The following PHGDH variants were observed in gnomAD, a reference collection of about 807,000 sequenced individuals.
PHGDH encodes phosphoglycerate dehydrogenase.
In PHGDH, 50 loss-of-function variants were observed where a neutral mutation model predicts 52.6. The ratio of observed to expected loss-of-function variants is 0.95; its 90% CI spans 0.76 to 1.20. PHGDH has a LOEUF of 1.20. Among genes scored for constraint, PHGDH ranks in the 50% most tolerant of loss-of-function variants. PHGDH has a pLI of 0.00. For synonymous variants in PHGDH, 271 were observed against 280.5 expected (o/e 0.97, Z 0.34); for missense variants, 630 against 684.6 (o/e 0.92, Z 0.89).
At chr1:119,734,444 A>C in intron 5 of PHGDH, 190 bp from the exon 6 acceptor site, 2 of 649,514 alleles carry the variant, frequency 3.1e-6, no homozygotes, top group Non-Finnish European at 5.6e-6. Context: ...CATGGTACTT[A>C]GTATATGGTA....
At position 119,721,159 on chromosome 1, in the gene PHGDH, T is replaced by C. The variant is rs764782438; in HGVS notation, c.139-11T>C. 4 of 1,614,044 alleles carry C rather than the reference T, an allele frequency of 2.5e-6. No homozygotes were observed. Among genetic ancestry groups the C allele is most frequent in the South Asian group, 2.2e-5 (2 of 91,082 alleles). On this transcript the variant is annotated splice_polypyrimidine_tract_variant and intron_variant, in intron 1 of 11. Coordinates refer to ENST00000641023, the MANE Select transcript of PHGDH (RefSeq NM_006623.4). ...ATGACTTTCTGGACCCAAATGTTTT[T>C]TCTGCTTCAGGACTGTGAAGGCCTT...
chr1:119,742,244 C>T, intron 10 of PHGDH: 1 of 390,646 alleles, frequency 2.6e-6, no homozygotes, highest in South Asian at 2.3e-5. Context: ...GCTCCTCATG[C>T]CGTAGCACCC....
At position 119,720,488 on chromosome 1, in the gene PHGDH, C is replaced by T; in HGVS notation, c.139-682C>T. On this transcript the variant is annotated intron_variant, in intron 1 of 11. Transcript: ENST00000641023. ...GCTTACAAAGTAGAATTTGATCCCACCTCTGCCCTCAGTAGCTCAGTGTCT... is the reference window on the plus strand; with the variant it reads ...GCTTACAAAGTAGAATTTGATCCCATCTCTGCCCTCAGTAGCTCAGTGTCT... 2 of 153,512 alleles carry T rather than the reference C, an allele frequency of 1.3e-5. 1 individual carries two copies. The highest frequency in any genetic ancestry group is 6.3e-3 in the Middle Eastern group (2 of 316). The allele number at this position is 153,512 out of a possible 1,614,324, so 9.5% of individuals were successfully genotyped here. A position where few individuals can be genotyped will look rare whatever the true frequency, so the allele number is the denominator to read the frequency against.
Position 119,742,975 on chromosome 1 carries a change from C to A in PHGDH, c.1378C>A (p.Arg460Ser), listed in dbSNP as rs749406489. 6.2e-7 allele frequency: 1 copy of A among 1,613,984 alleles called. No homozygotes were observed. The highest frequency in any genetic ancestry group is 1.3e-5 in the African/African-American group (1 of 74,938). ...GAVFRPEVPL[R>S]RDLPLLLFRT... ...TGTCTTCAGGCCAGAAGTGCCTCTC[C>A]GCAGGGACCTGCCCCTGCTCCTATT... Residue 460 changes from arginine to serine, a missense_variant, in exon 11 of 12, where the codon CGC becomes AGC. Coordinates refer to ENST00000641023, the MANE Select transcript of PHGDH (RefSeq NM_006623.4).
intron 5 of PHGDH, 156 bp downstream of exon 5, chr1:119,727,258 A>C (rs1455568309): frequency 4.4e-6 from 3 of 678,370 alleles, no homozygotes; most frequent in Non-Finnish European, 8.1e-6. Context: ...GGAGGGAGAG[A>C]ACACTGGCCT....
intron 9 of PHGDH, 147 bp from the exon 10 acceptor site, chr1:119,741,620 C>T (rs1652210948): frequency 1.5e-5 from 11 of 756,740 alleles, no homozygotes; most frequent in African/African-American, 3.4e-5. Flanking sequence ...CACTGAAGGG[C>T]GAGTGGACCT....
chr1:119,740,273 A>G, intron 8 of PHGDH, 113 bp from the exon 9 acceptor site: 1 of 1,071,032 alleles, frequency 9.3e-7, no homozygotes. Context: ...GCACCAAGGC[A>G]GGAGTGACCC....
chr1:119,736,420 A>G (rs1651935538), intron 7 of PHGDH, among the ~76,000 whole-genome samples: 1 of 152,194 alleles, frequency 6.6e-6, no homozygotes, highest in African/African-American at 2.4e-5. Context: ...TGTGGCCAGG[A>G]CTCACAGGGT....
chr1:119,743,208 G>A (rs1259284545), intron 11 of PHGDH, among the ~76,000 whole-genome samples, 164 bp downstream of exon 11: 3 of 152,228 alleles, frequency 2.0e-5, no homozygotes, highest in Non-Finnish European at 1.5e-5. Context: ...AACCTTCAGG[G>A]AGTGGATACT....
In PHGDH at chr1:119,733,344, ATT is replaced by A. The variant is rs772188898; in HGVS notation, c.511-1276_511-1275del. 7.6e-4 allele frequency among the ~76,000 whole-genome samples: 106 copies of A among 139,322 alleles called. 1 individual carries two copies. The highest frequency in any genetic ancestry group is 2.6e-3 in the African/African-American group (95 of 36,500). The allele number at this position is 139,322 out of a possible 152,430, so 91.4% of individuals were successfully genotyped here. On this transcript the variant is annotated intron_variant, in intron 5 of 11. Transcript: ENST00000641023. The stretch of plus-strand genomic sequence containing the variant: ...ATTACGTTCTTTTTTATTTTGTTTT[ATT>A]TTTTTTTTTTTTTCTGAGACATCTT...
chr1:119,741,970 C>A, intron 10 of PHGDH, 73 bp downstream of exon 10: 1 of 1,359,376 alleles, frequency 7.4e-7, no homozygotes, highest in Middle Eastern at 2.0e-4. Context: ...TTCCAGAGCC[C>A]GTTCTCTGAG....
intron 5 of PHGDH, chr1:119,727,569 G>A (rs1437205211): frequency 5.7e-5 from 12 of 209,588 alleles, no homozygotes; most frequent in Non-Finnish European, 9.7e-5. Context: ...GGTGGCTCAC[G>A]CCTGTAATCC....
chr1:119,715,827 G>T (rs993914927), intron 1 of PHGDH: 12 of 152,336 alleles, frequency 7.9e-5, no homozygotes, highest in Non-Finnish European at 2.9e-5. Flanking sequence ...GTGCTGTGTA[G>T]AGAGAGACTT....
chr1:119,721,590 T>C (rs1451385896), intron 2 of PHGDH: 1 of 418,138 alleles, frequency 2.4e-6, no homozygotes, highest in Non-Finnish European at 4.3e-6. Flanking sequence ...AATCTCAAAA[T>C]GTTTCACGAG....
intron 2 of PHGDH, 122 bp from the exon 3 acceptor site, chr1:119,723,254 G>T (rs1274955390): frequency 1.2e-6 from 1 of 807,980 alleles, no homozygotes; most frequent in Non-Finnish European, 2.2e-6. Context: ...CTGGACAGTG[G>T]CGTGGTCAGT....
intron 5 of PHGDH, among the ~76,000 whole-genome samples, chr1:119,728,248 C>G (rs1468260523): frequency 1.3e-5 from 2 of 152,134 alleles, no homozygotes; most frequent in African/African-American, 2.4e-5. Context: ...GATTACCTAT[C>G]CTGCCTCACA....
chr1:119,726,410 T>C (rs1010662238), intron 3 of PHGDH, among the ~76,000 whole-genome samples: 3 of 152,170 alleles, frequency 2.0e-5, no homozygotes, highest in African/African-American at 7.2e-5. Context: ...CTCTTCATAA[T>C]AGTAGAAGAC....
chr1:119,735,978 C>A (rs587703705), intron 7 of PHGDH, among the ~76,000 whole-genome samples: 1 of 152,332 alleles, frequency 6.6e-6, no homozygotes, highest in African/African-American at 2.4e-5. Flanking sequence ...AGCCTCACAC[C>A]AGATCCAGTA....
chr1:119,714,777 G>A (rs1363001539), intron 1 of PHGDH, among the ~76,000 whole-genome samples: 2 of 152,160 alleles, frequency 1.3e-5, no homozygotes, highest in Admixed American at 6.5e-5. Flanking sequence ...GGGGTGGAGG[G>A]CTGAGGCCCT....
Sources: gnomAD v4.1 joint callset for allele counts (sites outside exome capture counted in the v4.1 genomes callset) on GRCh38, gnomAD v4.1.1 for gene constraint, MANE v1.5 for transcripts, NCBI Gene and HGNC (gene_info 2026-07-23, HGNC 2026-07-21) for gene names.